MALRD1: variants seen among roughly 807,000 people sequenced by gnomAD.
MALRD1 encodes MAM and LDL-receptor class A domain-containing protein 1.
MALRD1 carries 247 observed loss-of-function variants against 242.1 expected under a neutral mutation model. The ratio of observed to expected loss-of-function variants is 1.02; its 90% CI spans 0.92 to 1.13. The LOEUF (loss-of-function observed/expected upper bound fraction) is 1.13, where lower values mean the gene tolerates loss of function less well. MALRD1 is among the 50% of genes most tolerant of loss of function. The pLI, the probability that MALRD1 is intolerant of heterozygous loss-of-function variation, is 0.00. For missense variants in MALRD1, 2,989 were observed against 2,533.1 expected (o/e 1.18, Z -3.86); for synonymous variants, 995 against 866.6 (o/e 1.15, Z -2.60).
intron 38 of MALRD1, among the ~76,000 whole-genome samples, chr10:19,711,762 G>A (rs1305440324): frequency 6.6e-6 from 1 of 152,190 alleles, no homozygotes; most frequent in Non-Finnish European, 1.5e-5. Flanking sequence ...CACACAGAAA[G>A]CCAATCACTG....
intron 10 of MALRD1, among the ~76,000 whole-genome samples, chr10:19,141,554 C>A (rs1436439921): frequency 1.3e-5 from 2 of 151,646 alleles, no homozygotes; most frequent in Non-Finnish European, 2.9e-5. Context: ...TATTTTACCA[C>A]AATAAAATAC....
intron 21 of MALRD1, among the ~76,000 whole-genome samples, chr10:19,283,789 G>C (rs1465386060): frequency 6.6e-6 from 1 of 152,132 alleles, no homozygotes; most frequent in Non-Finnish European, 1.5e-5. Flanking sequence ...CTCAACTAGT[G>C]GATTTCCCAG....
chr10:19,228,890 GTCTT>G (rs1837914000), intron 18 of MALRD1, among the ~76,000 whole-genome samples: 1 of 151,910 alleles, frequency 6.6e-6, no homozygotes, highest in African/African-American at 2.4e-5. Flanking sequence ...TTTTTGGTAA[GTCTT>G]TAATTATTTC....
chr10:19,342,670 A>C (rs1843938116), intron 24 of MALRD1, among the ~76,000 whole-genome samples: 1 of 152,122 alleles, frequency 6.6e-6, no homozygotes, highest in South Asian at 2.1e-4. Context: ...TGGACTGAGA[A>C]TAGCTTTTGT....
intron 14 of MALRD1, among the ~76,000 whole-genome samples, chr10:19,194,639 T>C (rs1836150185): frequency 6.6e-6 from 1 of 152,298 alleles, no homozygotes; most frequent in South Asian, 2.1e-4. Context: ...CCTTGTCTGC[T>C]GTGTCTTCCC....
intron 2 of MALRD1, among the ~76,000 whole-genome samples, chr10:19,067,159 A>G (rs1047455317): frequency 6.6e-6 from 1 of 152,158 alleles, no homozygotes; most frequent in African/African-American, 2.4e-5. Flanking sequence ...AGTTTTTCTT[A>G]TTCTTTATGG....
rs75298478 is a variant in MALRD1, at chr10:19,555,990, G to A, written c.5479-11512G>A. On this transcript the variant is annotated intron_variant, in intron 32 of 39. Transcript: ENST00000454679. ...AATTTCTTTAATTGGCATTGAAATT[G>A]ATGAGACATTTGTGTTTTTCCAACT... 2.7e-3 allele frequency among the ~76,000 whole-genome samples: 406 copies of A among 152,232 alleles called. 7 individuals are homozygous for A. In the East Asian group the frequency reaches 0.057, roughly 21 times the overall value.
intron 19 of MALRD1, among the ~76,000 whole-genome samples, chr10:19,273,345 A>G (rs1840349467): frequency 6.6e-6 from 1 of 152,196 alleles, no homozygotes; most frequent in South Asian, 2.1e-4. Context: ...TTCTTTTAGA[A>G]TTAAACATAG....
chr10:19,348,148 A>G (rs912229961), intron 25 of MALRD1, 130 bp downstream of exon 25: 7 of 1,267,656 alleles, frequency 5.5e-6, no homozygotes, highest in Non-Finnish European at 7.5e-6. Context: ...TCAACTTTGG[A>G]TATGTGAAGG....
intron 2 of MALRD1, among the ~76,000 whole-genome samples, chr10:19,076,626 T>C (rs769387174): frequency 1.3e-5 from 2 of 152,012 alleles, no homozygotes. Flanking sequence ...CTCAATGCGA[T>C]TGCATTGATC....
intron 20 of MALRD1, among the ~76,000 whole-genome samples, chr10:19,281,963 CAAAAAA>C (rs149370838): frequency 1.1e-4 from 9 of 79,862 alleles, no homozygotes; most frequent in Non-Finnish European, 1.6e-4. Flanking sequence ...ACGATGTCTC[CAAAAAA>C]AAAAAAAAAA....
At chr10:19,098,459 T>G (rs930549706) in intron 4 of MALRD1, among the ~76,000 whole-genome samples, 1 of 152,220 alleles carries the variant, frequency 6.6e-6, no homozygotes, top group Non-Finnish European at 1.5e-5. Context: ...TAATCTTAAC[T>G]CTTAAAATTC....
intron 32 of MALRD1, among the ~76,000 whole-genome samples, chr10:19,548,603 C>T (rs1247269940): frequency 6.6e-6 from 1 of 152,096 alleles, no homozygotes; most frequent in Admixed American, 6.6e-5. Flanking sequence ...GATCAGTGAT[C>T]TTTGATGCTA....
chr10:19,348,778 C>T (rs934398824), intron 25 of MALRD1, among the ~76,000 whole-genome samples: 1 of 151,988 alleles, frequency 6.6e-6, no homozygotes, highest in Non-Finnish European at 1.5e-5. Flanking sequence ...ACATATAGTC[C>T]AAATTAAGTG....
chr10:19,427,952 G>A (rs1040104910), intron 28 of MALRD1, among the ~76,000 whole-genome samples: 2 of 152,078 alleles, frequency 1.3e-5, no homozygotes, highest in African/African-American at 4.8e-5. Context: ...GTATACACAT[G>A]AGTGCAGCCT....
At chr10:19,591,497 G>GTTTTTTTTTTTTTTTTTTTT (rs35785107) in intron 33 of MALRD1, among the ~76,000 whole-genome samples, 1 of 116,296 alleles carries the variant, frequency 8.6e-6, no homozygotes, top group Non-Finnish European at 1.8e-5. Flanking sequence ...TTTTATTTTA[G>GTTTTTTTTTTTTTTTTTTTT]TTTTTTTTTT....
At chr10:19,417,449 T>C (rs1833553660) in intron 28 of MALRD1, among the ~76,000 whole-genome samples, 1 of 152,196 alleles carries the variant, frequency 6.6e-6, no homozygotes, top group South Asian at 2.1e-4. Context: ...TTCAACTTGT[T>C]ATGACATATA....
In MALRD1 at chr10:19,330,337, G is replaced by A. The variant is rs540585804; in HGVS notation, c.3688-1032G>A. Among the ~76,000 whole-genome samples the A allele has an allele frequency of 4.7e-3, 704 of 149,788 alleles. 6 individuals carry two copies. The highest frequency in any genetic ancestry group is 0.015 in the African/African-American group (599 of 40,694). Reference sequence around the variant, plus strand: ...TCACACAATAGTATAAAGACTTACCGCATCTGAAGGAAAAAAAAAACTATA... The same window carrying A: ...TCACACAATAGTATAAAGACTTACCACATCTGAAGGAAAAAAAAAACTATA... On this transcript the variant is annotated intron_variant, in intron 23 of 39. Transcript: ENST00000454679.
chr10:19,413,053 T>C (rs963357614), intron 28 of MALRD1, among the ~76,000 whole-genome samples: 4 of 152,112 alleles, frequency 2.6e-5, no homozygotes, highest in East Asian at 1.9e-4. Context: ...AAAAAAATAA[T>C]AGTTAACATC....
Sources: allele counts gnomAD v4.1 joint callset (sites outside exome capture counted in the v4.1 genomes callset), GRCh38; gene constraint gnomAD v4.1.1; transcripts MANE v1.5; gene names NCBI Gene and HGNC (gene_info 2026-07-23, HGNC 2026-07-21).